VPS13A: variants seen among roughly 807,000 people sequenced by gnomAD.
The protein encoded by VPS13A is vacuolar protein sorting 13 homolog A, also known as intermembrane lipid transfer protein VPS13A.
Under a neutral mutation model 390.9 loss-of-function variants are expected in VPS13A, and 264 were observed. The ratio of observed to expected loss-of-function variants is 0.68; its 90% CI spans 0.61 to 0.75. The LOEUF (loss-of-function observed/expected upper bound fraction) is 0.75. Ranked by LOEUF, VPS13A falls within the 30% of genes least tolerant of loss-of-function variation. The pLI is 0.00. For missense variants in VPS13A, 3,409 were observed against 3,733.9 expected (o/e 0.91, Z 2.27); for synonymous variants, 1,231 against 1,227.1 (o/e 1.00, Z -0.07).
At position 77,225,918 on chromosome 9, in the gene VPS13A, T is replaced by C. The variant is rs1195697867; in HGVS notation, c.1162-8T>C. ...TAAAGTTAACACATTTTTGTTTATA[T>C]TTTTCAGGAGTTGGAAAAAACCTTG... is the stretch of plus-strand genomic sequence containing the variant. On this transcript the variant is annotated splice_region_variant and splice_polypyrimidine_tract_variant and intron_variant, in intron 13 of 71. Coordinates refer to ENST00000360280, the MANE Select transcript of VPS13A (RefSeq NM_033305.3). 6.2e-7 allele frequency: 1 copy of C among 1,606,742 alleles called. No individual in the cohort carries two copies. Among genetic ancestry groups the C allele is most frequent in the African/African-American group, 1.3e-5 (1 of 74,844 alleles).
chr9:77,340,602 G>A lies in VPS13A; in HGVS notation c.7026+52G>A, dbSNP rs570414514. On this transcript the variant is annotated intron_variant, in intron 50 of 71. Transcript: ENST00000360280. The stretch of plus-strand genomic sequence containing the variant: ...CCTCTTTGGATTCTATTTTCTCCTT[G>A]AAGTTAGATACCTAAAGTCACCATG... The A allele has an allele frequency of 2.0e-4, 315 of 1,603,866 alleles. No homozygotes were observed. The South Asian group carries it at 3.3e-3, about 17-fold the overall frequency.
Position 77,371,126 on chromosome 9 carries a change from C to T in VPS13A, c.9054C>T (p.Ser3018=). The T allele has an allele frequency of 6.2e-7, 1 of 1,614,030 alleles. No individual in the cohort carries two copies. Among genetic ancestry groups the T allele is most frequent in the Non-Finnish European group, 8.5e-7 (1 of 1,179,978 alleles). ...CTGGAGGCATCATAGACATGGCTAG[C>T]AGTACATTTCAGGGAATAAAAAGGT... The part of the protein sequence containing the change: ...RPTGGIIDMA[S]STFQGIKRAT... The change falls in exon 67 of 72, where the codon AGC becomes AGT. Residue 3018 remains serine (S), a synonymous_variant. Coordinates refer to ENST00000360280, the MANE Select transcript of VPS13A (RefSeq NM_033305.3).
intron 59 of VPS13A, among the ~76,000 whole-genome samples, chr9:77,363,567 A>G (rs1193060542): frequency 6.6e-6 from 1 of 151,920 alleles, no homozygotes; most frequent in Non-Finnish European, 1.5e-5. Flanking sequence ...GTGTGCCAAA[A>G]TGCCCAGCTA....
intron 46 of VPS13A, among the ~76,000 whole-genome samples, chr9:77,335,279 T>C (rs1830478581): frequency 6.6e-6 from 1 of 152,220 alleles, no homozygotes; most frequent in South Asian, 2.1e-4. Flanking sequence ...AGATTAACCA[T>C]GTGACAACCA....
intron 3 of VPS13A, among the ~76,000 whole-genome samples, chr9:77,203,212 A>G (rs1056253535): frequency 3.3e-5 from 5 of 152,170 alleles, no homozygotes; most frequent in African/African-American, 1.2e-4. Flanking sequence ...TTGGAATTAC[A>G]TCTGTGTATT....
chr9:77,238,432 A>T, intron 19 of VPS13A, 46 bp downstream of exon 19: 1 of 1,356,754 alleles, frequency 7.4e-7, no homozygotes, highest in Non-Finnish European at 1.1e-6. Context: ...TGTATCCTAT[A>T]TTAAACTTTT....
intron 44 of VPS13A, among the ~76,000 whole-genome samples, chr9:77,322,067 G>GT (rs1469616687): frequency 6.6e-6 from 1 of 151,818 alleles, no homozygotes; most frequent in Non-Finnish European, 1.5e-5. Context: ...ATGTTTAGAT[G>GT]TTTGTGGGGG....
chr9:77,339,568 G>A lies in VPS13A; in HGVS notation c.6431G>A (p.Cys2144Tyr), dbSNP rs978180491. ...AGTGAAGGACATTCAGCCCAGATTT[G>A]TACTGCACAGTTGGGTAAAGCCAGG... is the stretch of plus-strand genomic sequence containing the variant. ...TLSEGHSAQI[C>Y]TAQLGKARLH... is the part of the protein sequence containing the mutation. Residue 2144 changes from cysteine to tyrosine, a missense_variant, in exon 48 of 72, where the codon TGT becomes TAT. Cys to Tyr is a radical substitution (Grantham distance 194). This residue lies in a region of VPS13A where 2,717 missense variants were observed against 2,917.4 expected (regional missense o/e 0.93). Coordinates refer to ENST00000360280, the MANE Select transcript of VPS13A (RefSeq NM_033305.3). 7 of 1,571,396 alleles carry A rather than the reference G, an allele frequency of 4.5e-6. No individual in the cohort carries two copies. The Admixed American group carries it at 1.1e-4, about 25-fold the overall frequency.
intron 20 of VPS13A, among the ~76,000 whole-genome samples, chr9:77,247,815 C>T (rs548893146): frequency 6.5e-4 from 99 of 152,282 alleles, no homozygotes; most frequent in African/African-American, 2.2e-3. Flanking sequence ...TGCCCGCCAC[C>T]ACGCCCACCT....
chr9:77,363,875 A>G (rs540701674), intron 59 of VPS13A, among the ~76,000 whole-genome samples: 1 of 152,246 alleles, frequency 6.6e-6, no homozygotes, highest in Admixed American at 6.5e-5. Flanking sequence ...ATCAGCAAAA[A>G]TCCCTAAACC....
chr9:77,356,683 A>C, intron 54 of VPS13A, 31 bp from the exon 55 acceptor site: 1 of 1,570,136 alleles, frequency 6.4e-7, no homozygotes, highest in Non-Finnish European at 8.7e-7. Context: ...ACTTAGTATT[A>C]AATACTATGA....
At chr9:77,293,155 G>A (rs1285037213) in intron 31 of VPS13A, among the ~76,000 whole-genome samples, 186 bp from the exon 32 acceptor site, 1 of 151,920 alleles carries the variant, frequency 6.6e-6, no homozygotes, top group East Asian at 1.9e-4. Flanking sequence ...CCACCAATTT[G>A]TAAAAGTTTG....
intron 17 of VPS13A, among the ~76,000 whole-genome samples, chr9:77,236,791 C>T (rs1434262890): frequency 2.0e-5 from 3 of 152,194 alleles, no homozygotes; most frequent in Non-Finnish European, 2.9e-5. Context: ...TTCTTAGCTG[C>T]GCCCATATTA....
At chr9:77,359,083 A>G (rs1831983095) in intron 57 of VPS13A, among the ~76,000 whole-genome samples, 1 of 152,254 alleles carries the variant, frequency 6.6e-6, no homozygotes. Flanking sequence ...AGTTTCCCTG[A>G]TGATTCTAAT....
intron 5 of VPS13A, among the ~76,000 whole-genome samples, chr9:77,207,531 G>A (rs1268001032): frequency 6.6e-6 from 1 of 151,054 alleles, no homozygotes; most frequent in Non-Finnish European, 1.5e-5. Context: ...ATATATAAAT[G>A]TTTTATTTAT....
intron 29 of VPS13A, 104 bp from the exon 30 acceptor site, chr9:77,283,251 C>A: frequency 1.4e-6 from 1 of 696,854 alleles, no homozygotes; most frequent in South Asian, 1.8e-5. Flanking sequence ...CAGGTTTTCT[C>A]TGATATCACT....
At chr9:77,289,784 CTTTTTTT>C (rs558593582) in intron 31 of VPS13A, among the ~76,000 whole-genome samples, 1 of 141,646 alleles carries the variant, frequency 7.1e-6, no homozygotes, top group East Asian at 2.0e-4. Flanking sequence ...TTTCTCATTT[CTTTTTTT>C]TTTTTTTGAG....
At position 77,199,953 on chromosome 9, in the gene VPS13A, G is replaced by A. The variant is rs1204576856; in HGVS notation, c.109G>A (p.Ala37Thr). The A allele has an allele frequency of 3.1e-6, 5 of 1,605,166 alleles. No individual in the cohort carries two copies. Among genetic ancestry groups the A allele is most frequent in the Non-Finnish European group, 4.2e-6 (5 of 1,176,662 alleles). ...LSLGIWKGAV[A>T]LKNLQIKENA... ...TTTTTAATCTTTTTTAGGAGCTGTG[G>A]CCCTCAAGAATCTTCAAATTAAAGA... Residue 37 changes from alanine to threonine, a missense_variant, in exon 2 of 72, where the codon GCC (alanine) becomes ACC (threonine). Physicochemically the swap from Ala to Thr is moderately conservative, Grantham distance 58. This residue lies in a region of VPS13A where 2,717 missense variants were observed against 2,917.4 expected (regional missense o/e 0.93). Coordinates refer to ENST00000360280, the MANE Select transcript of VPS13A (RefSeq NM_033305.3).
At position 77,418,469 on chromosome 9, in the gene VPS13A, T is replaced by G; in HGVS notation, c.*2463T>G. 1 of 152,204 alleles carries G rather than the reference T, an allele frequency of 6.6e-6. No homozygotes were observed. The highest frequency in any genetic ancestry group is 1.9e-4 in the East Asian group (1 of 5,196). The allele number at this position is 152,204 out of a possible 1,614,324, so 9.4% of individuals were successfully genotyped here. On this transcript the variant is annotated 3_prime_UTR_variant, in exon 72 of 72. Coordinates refer to ENST00000360280, the MANE Select transcript of VPS13A (RefSeq NM_033305.3). ...ACTTGTGATCAAAAGCAGCTTGTGA[T>G]TTCTTCACATTTGCAAAATACTCTC...
Sources: gnomAD v4.1 joint callset for allele counts (sites outside exome capture counted in the v4.1 genomes callset) on GRCh38, gnomAD v4.1.1 for gene constraint, gnomAD v4.1.1 regional missense constraint, MANE v1.5 for transcripts, NCBI Gene and HGNC (gene_info 2026-07-23, HGNC 2026-07-21) for gene names.